Variants in KDM5B observed in about 807,000 individuals in gnomAD.
The protein encoded by KDM5B is lysine demethylase 5B, also known as lysine-specific demethylase 5B.
A neutral mutation model predicts 193.4 loss-of-function variants in KDM5B; 144 were observed. The observed-to-expected ratio is 0.74, with a 90% CI of 0.65 to 0.86. The LOEUF (loss-of-function observed/expected upper bound fraction) is 0.86, where lower values mean the gene tolerates loss of function less well. Ranked by LOEUF, KDM5B falls within the 40% of genes least tolerant of loss-of-function variation. The pLI is 0.00. For synonymous variants in KDM5B, 668 were observed against 682.6 expected, an observed-to-expected ratio of 0.98 and a Z score of 0.33; for missense variants, 1,833 against 1,886.9, an observed-to-expected ratio of 0.97 and a Z score of 0.53.
chr1:202,748,818 C>T (rs1046672989), intron 14 of KDM5B, 127 bp downstream of exon 14: 10 of 702,286 alleles, frequency 1.4e-5, no homozygotes, highest in East Asian at 1.3e-4. Flanking sequence ...TACTACTATA[C>T]ATCTATTACA....
At chr1:202,791,288 T>G (rs1488780967) in intron 1 of KDM5B, among the ~76,000 whole-genome samples, 1 of 152,240 alleles carries the variant, frequency 6.6e-6, no homozygotes, top group African/African-American at 2.4e-5. Context: ...GGCTGCCTGG[T>G]ATCAATGGGA....
intron 8 of KDM5B, among the ~76,000 whole-genome samples, chr1:202,759,572 C>A (rs1279590444): frequency 6.7e-6 from 1 of 149,482 alleles, no homozygotes; most frequent in East Asian, 1.9e-4. Context: ...AAAAAAAATC[C>A]TCATGAAGAT....
At chr1:202,774,270 G>T (rs1054881807) in intron 3 of KDM5B, among the ~76,000 whole-genome samples, 3 of 151,996 alleles carry the variant, frequency 2.0e-5, no homozygotes, top group Admixed American at 1.3e-4. Context: ...TTTGAGACAG[G>T]GTCTCGCTCA....
chr1:202,785,387 C>T (rs1015065493), intron 1 of KDM5B, among the ~76,000 whole-genome samples: 14 of 152,050 alleles, frequency 9.2e-5, no homozygotes, highest in Admixed American at 7.2e-4. Flanking sequence ...TTTTTTAAAA[C>T]ACAGTGAGGC....
intron 14 of KDM5B, 86 bp from the exon 15 acceptor site, chr1:202,746,409 GAA>G (rs71564197): frequency 6.0e-3 from 2,949 of 494,744 alleles, no homozygotes; most frequent in South Asian, 0.013. Context: ...ACTTGAGTCT[GAA>G]AAAAAAAAAA....
chr1:202,764,665 A>C (rs922677615), intron 5 of KDM5B, among the ~76,000 whole-genome samples: 1 of 152,038 alleles, frequency 6.6e-6, no homozygotes, highest in African/African-American at 2.4e-5. Context: ...AAAAACAAAT[A>C]GGGAAAAGTC....
At chr1:202,732,019 A>G (rs903934012) in intron 23 of KDM5B, 80 bp from the exon 24 acceptor site, 11 of 748,358 alleles carry the variant, frequency 1.5e-5, no homozygotes, top group Non-Finnish European at 1.9e-5. Flanking sequence ...AGTAGCTTGC[A>G]TTACCCAGGC....
chr1:202,795,804 A>G lies in KDM5B; in HGVS notation c.204+12298T>C, dbSNP rs558946228. Among the ~76,000 whole-genome samples, 7 of 151,616 alleles carry G rather than the reference A, an allele frequency of 4.6e-5. No homozygotes were observed. The East Asian group carries it at 9.7e-4, about 21-fold the overall frequency. On this transcript the variant is annotated intron_variant, in intron 1 of 26. Coordinates refer to ENST00000367265, the MANE Select transcript of KDM5B (RefSeq NM_006618.5). ...TCCTAATTAACTTTTTTTTTTTAACATAAGATTGTCTAATTGTTGGTAAAT... is the reference window on the plus strand; with the variant it reads ...TCCTAATTAACTTTTTTTTTTTAACGTAAGATTGTCTAATTGTTGGTAAAT...
Position 202,756,359 on chromosome 1 carries a change from T to A in KDM5B, c.1355A>T (p.Glu452Val), listed in dbSNP as rs1656010347. The A allele has an allele frequency of 1.2e-6, 2 of 1,604,474 alleles. No individual in the cohort carries two copies. Among genetic ancestry groups the A allele is most frequent in the Non-Finnish European group, 1.7e-6 (2 of 1,176,260 alleles). ...TTTCCAAGCCACTTATATGCCTACC[T>A]CTTCCTCAGGTGAGAGTTTGATTTT... ...DGKIKLSPEE[E>V]EYLDSGWNLN... The change falls in exon 10 of 27, where the codon GAG becomes GTG. Residue 452 changes from glutamate to valine, a missense_variant and splice_region_variant. Physicochemically the swap from Glu to Val is moderately radical, Grantham distance 121. This residue lies in a region of KDM5B where 1,379 missense variants were observed against 1,349.6 expected (regional missense o/e 1.02). Transcript: ENST00000367265.
rs1472158579 is a variant in KDM5B, at chr1:202,742,751, T to C, written c.2378A>G (p.Asp793Gly). Reference sequence around the variant, plus strand: ...GCGAAGGTGTCGCAAAAGATCATTGTCTGGGAATTTCTTCATTTCAGATTC... The same window carrying C: ...GCGAAGGTGTCGCAAAAGATCATTGCCTGGGAATTTCTTCATTTCAGATTC... ...IEESEMKKFP[D>G]NDLLRHLRLV... The change falls in exon 17 of 27, where the codon GAC becomes GGC. Residue 793 changes from aspartate to glycine, a missense_variant. Transcript: ENST00000367265. 2 of 1,614,086 alleles carry C rather than the reference T, an allele frequency of 1.2e-6. No homozygotes were observed. Among genetic ancestry groups the C allele is most frequent in the Admixed American group, 1.7e-5 (1 of 60,008 alleles).
At chr1:202,772,587 G>C (rs1275173168) in intron 4 of KDM5B, among the ~76,000 whole-genome samples, 1 of 151,984 alleles carries the variant, frequency 6.6e-6, no homozygotes, top group East Asian at 1.9e-4. Flanking sequence ...GCTTTGGACA[G>C]TAAAAAAATT....
intron 9 of KDM5B, among the ~76,000 whole-genome samples, chr1:202,757,699 T>C (rs1295768790): frequency 6.6e-6 from 1 of 152,194 alleles, no homozygotes; most frequent in Non-Finnish European, 1.5e-5. Flanking sequence ...AATTCACTCA[T>C]ATATTGCTGG....
chr1:202,785,636 G>T (rs530106166), intron 1 of KDM5B, among the ~76,000 whole-genome samples: 12 of 152,194 alleles, frequency 7.9e-5, no homozygotes, highest in Non-Finnish European at 1.6e-4. Flanking sequence ...TTTTGGGAAG[G>T]TGTGGTGGCT....
At chr1:202,749,223 C>A in intron 13 of KDM5B, 84 bp from the exon 14 acceptor site, 2 of 1,206,984 alleles carry the variant, frequency 1.7e-6, no homozygotes, top group Non-Finnish European at 2.3e-6. Context: ...ATCAAATTAC[C>A]AAACATCACA....
chr1:202,740,781 C>A lies in KDM5B; in HGVS notation c.2977G>T (p.Ala993Ser). The A allele has an allele frequency of 6.2e-7, 1 of 1,612,558 alleles. No individual in the cohort carries two copies. Among genetic ancestry groups the A allele is most frequent in the Non-Finnish European group, 8.5e-7 (1 of 1,179,736 alleles). ...GGGATCTCTTCGATTTCCTTTACTG[C>A]CGTAGCAAGGCTATTCAATGAATGT... ...PRHSLNSLAT[A>S]VKEIEEIPAY... The change falls in exon 20 of 27, where the codon GCA (alanine) becomes TCA (serine). Residue 993 changes from alanine to serine, a missense_variant. Physicochemically the swap from Ala to Ser is moderately conservative, Grantham distance 99. Around this residue, in one of 3 missense-constraint regions of KDM5B, gnomAD observed 1,379 missense variants for 1,349.6 expected, o/e 1.02. Coordinates refer to ENST00000367265, the MANE Select transcript of KDM5B (RefSeq NM_006618.5).
At chr1:202,756,311 C>A (rs768325321) in intron 10 of KDM5B, 47 bp downstream of exon 10, 2 of 1,487,862 alleles carry the variant, frequency 1.3e-6, no homozygotes, top group East Asian at 2.3e-5. Context: ...GCCAACCAAA[C>A]AGAATTTCAA....
At chr1:202,748,543 A>G (rs1286871982) in intron 14 of KDM5B, among the ~76,000 whole-genome samples, 1 of 152,040 alleles carries the variant, frequency 6.6e-6, no homozygotes, top group African/African-American at 2.4e-5. Context: ...AGAATACATA[A>G]AGAATTATTA....
At chr1:202,742,571 C>A in intron 17 of KDM5B, 66 bp from the exon 18 acceptor site, 2 of 1,598,780 alleles carry the variant, frequency 1.3e-6, no homozygotes, top group South Asian at 2.2e-5. Flanking sequence ...CCCAGGTGGT[C>A]ACAGAAATTC....
chr1:202,785,130 T>C (rs1339934377), intron 1 of KDM5B, among the ~76,000 whole-genome samples: 1 of 152,230 alleles, frequency 6.6e-6, no homozygotes, highest in Non-Finnish European at 1.5e-5. Flanking sequence ...TATGTTAAGT[T>C]CTGACCACTG....
Sources: gnomAD v4.1 joint callset for allele counts (sites outside exome capture counted in the v4.1 genomes callset) on GRCh38, gnomAD v4.1.1 for gene constraint, gnomAD v4.1.1 regional missense constraint, MANE v1.5 for transcripts, NCBI Gene and HGNC (gene_info 2026-07-23, HGNC 2026-07-21) for gene names.